LRRN2: variants seen among roughly 807,000 people sequenced by gnomAD.
The protein encoded by LRRN2 is leucine rich repeat neuronal 2, also known as leucine-rich repeat neuronal protein 2.
In LRRN2, 10 loss-of-function variants were observed where a neutral mutation model predicts 35.7. The ratio of observed to expected loss-of-function variants is 0.28; its 90% confidence interval spans 0.17 to 0.47. The LOEUF is 0.47. Ranked by LOEUF, LRRN2 falls within the 20% of genes least tolerant of loss-of-function variation. The pLI is 0.99. For missense variants in LRRN2, 731 were observed against 940.3 expected, an observed-to-expected ratio of 0.78 and a Z score of 2.91; for synonymous variants, 391 against 409.6, an observed-to-expected ratio of 0.95 and a Z score of 0.55.
At chr1:204,661,189 G>A (rs1372080602) in intron 1 of LRRN2, among the ~76,000 whole-genome samples, 11 of 152,298 alleles carry the variant, frequency 7.2e-5, no homozygotes, top group South Asian at 4.1e-4. Context: ...GGGCAGAAGT[G>A]ATACAATGTG....
chr1:204,650,961 A>G (rs1668210036), intron 1 of LRRN2, among the ~76,000 whole-genome samples: 2 of 152,240 alleles, frequency 1.3e-5, no homozygotes, highest in Admixed American at 1.3e-4. Context: ...CTTCCAGGGC[A>G]GAAGGAATCC....
Position 204,643,884 on chromosome 1 carries a change from C to T in LRRN2, c.-226-23666G>A, listed in dbSNP as rs79471982. Among the ~76,000 whole-genome samples, 864 of 152,280 alleles carry T rather than the reference C, an allele frequency of 5.7e-3. 7 individuals carry two copies. Among genetic ancestry groups the T allele is most frequent in the African/African-American group, 0.019 (807 of 41,548 alleles). ...GAAAGACCTGAGTTCAAATCCTGCC[C>T]TGGCCTCTTCCCACCAGTGTGACCT... On this transcript the variant is annotated intron_variant, in intron 1 of 1. Transcript: ENST00000367177.
At chr1:204,668,780 C>T (rs988295802) in intron 1 of LRRN2, among the ~76,000 whole-genome samples, 2 of 152,134 alleles carry the variant, frequency 1.3e-5, no homozygotes, top group Middle Eastern at 3.2e-3. Flanking sequence ...AGAAAAAAAT[C>T]GAACACGATA....
At chr1:204,650,731 T>C (rs573196591) in intron 1 of LRRN2, among the ~76,000 whole-genome samples, 14 of 152,278 alleles carry the variant, frequency 9.2e-5, no homozygotes, top group Admixed American at 9.2e-4. Flanking sequence ...AACAACCCAC[T>C]GTGTGCCAAG....
chr1:204,667,575 G>A (rs577497973), intron 1 of LRRN2, among the ~76,000 whole-genome samples: 1 of 152,264 alleles, frequency 6.6e-6, no homozygotes, highest in East Asian at 1.9e-4. Flanking sequence ...CTCTGTTTTT[G>A]AGGAGTTGCT....
At chr1:204,675,587 CCTT>C (rs1668809892) in intron 1 of LRRN2, among the ~76,000 whole-genome samples, 2 of 152,218 alleles carry the variant, frequency 1.3e-5, no homozygotes, top group African/African-American at 2.4e-5. Context: ...ACTTCTGCCT[CCTT>C]CTTCCACCTT....
chr1:204,672,926 C>T (rs965023938), intron 1 of LRRN2, among the ~76,000 whole-genome samples: 11 of 152,218 alleles, frequency 7.2e-5, no homozygotes, highest in African/African-American at 2.7e-4. Context: ...CAGCATATCT[C>T]ACTGCACACC....
intron 1 of LRRN2, among the ~76,000 whole-genome samples, chr1:204,641,520 A>G (rs958205040): frequency 3.9e-5 from 6 of 152,222 alleles, no homozygotes; most frequent in Non-Finnish European, 8.8e-5. Context: ...GGCACCACTT[A>G]TTGAATGTTA....
intron 1 of LRRN2, among the ~76,000 whole-genome samples, chr1:204,673,401 C>T (rs184201469): frequency 6.6e-6 from 1 of 152,120 alleles, no homozygotes; most frequent in African/African-American, 2.4e-5. Flanking sequence ...ATTTTCACAA[C>T]CCTGTGAACT....
At chr1:204,669,237 G>C (rs1414416553) in intron 1 of LRRN2, among the ~76,000 whole-genome samples, 1 of 152,214 alleles carries the variant, frequency 6.6e-6, no homozygotes, top group African/African-American at 2.4e-5. Context: ...TCTTTGGTTG[G>C]GGAAAGACAG....
chr1:204,677,402 T>C (rs1025453883), intron 1 of LRRN2, among the ~76,000 whole-genome samples: 14 of 152,106 alleles, frequency 9.2e-5, no homozygotes, highest in Non-Finnish European at 1.6e-4. Flanking sequence ...TGGTGATCTC[T>C]CTCTATACTT....
intron 1 of LRRN2, among the ~76,000 whole-genome samples, chr1:204,639,735 T>C (rs1337741318): frequency 6.6e-6 from 1 of 152,216 alleles, no homozygotes; most frequent in Non-Finnish European, 1.5e-5. Flanking sequence ...AAGGGCTTAC[T>C]CTCTGCCAGG....
chr1:204,674,298 C>A lies in LRRN2; in HGVS notation c.-227+11022G>T, dbSNP rs542086449. Among the ~76,000 whole-genome samples, 6 of 151,504 alleles carry A rather than the reference C, an allele frequency of 4.0e-5. No individual in the cohort carries two copies. In the South Asian group the frequency reaches 1.3e-3, roughly 32 times the overall value. ...ACCACCAACTGCCAAGTCCCCCTCA[C>A]TGCCTCCCCTCCCCTCCCCTCCTCA... On this transcript the variant is annotated intron_variant, in intron 1 of 1. Transcript: ENST00000367177.
chr1:204,618,496 G>A lies in LRRN2; in HGVS notation c.1497C>T (p.Ala499=), dbSNP rs777066673. 6.2e-7 allele frequency: 1 copy of A among 1,614,210 alleles called. No individual in the cohort carries two copies. The highest frequency in any genetic ancestry group is 8.5e-7 in the Non-Finnish European group (1 of 1,180,030). Residue 499 remains alanine, a synonymous_variant, in exon 2 of 2, where the codon GCC becomes GCT. Coordinates refer to ENST00000367177, the MANE Select transcript of LRRN2 (RefSeq NM_201630.2). ...AEEAGLYTCV[A]QNLVGADTKT... is the part of the protein sequence containing the mutation. ...TAGTGTCAGCCCCCACCAGGTTCTG[G>A]GCCACACAGGTGTATAGCCCTGCCT...
intron 1 of LRRN2, among the ~76,000 whole-genome samples, chr1:204,632,061 A>AAAAC (rs564415281): frequency 1.8e-3 from 277 of 152,206 alleles, no homozygotes; most frequent in Non-Finnish European, 2.9e-3. Flanking sequence ...TCTCTACCAA[A>AAAAC]AAACAAACAA....
chr1:204,619,967 A>G lies in LRRN2; in HGVS notation c.26T>C (p.Leu9Ser). 1 of 1,612,038 alleles carries G rather than the reference A, an allele frequency of 6.2e-7. No homozygotes were observed. The highest frequency in any genetic ancestry group is 8.5e-7 in the Non-Finnish European group (1 of 1,179,452). MRLLVAPL[L>S]LAWVAGATAA... ...AGTGGCACCAGCCACCCAAGCTAGC[A>G]AGAGTGGGGCCACGAGAAGCCTCAT... Residue 9 changes from leucine (L) to serine (S), a missense_variant, in exon 2 of 2, where the codon TTG becomes TCG. Transcript: ENST00000367177.
chr1:204,618,584 G>A lies in LRRN2; in HGVS notation c.1409C>T (p.Ala470Val). Residue 470 changes from alanine to valine, a missense_variant, in exon 2 of 2, where the codon GCA becomes GTA. Ala to Val is a moderately conservative substitution (Grantham distance 64). Coordinates refer to ENST00000367177, the MANE Select transcript of LRRN2 (RefSeq NM_201630.2). ...GGGGTACACCCGGTACCTCCTGCCT[G>A]CATGGGCAGGTGTCAGTCGAAGCCC... ...PAGLRLTPAH[A>V]GRRYRVYPEG... 2 of 1,613,996 alleles carry A rather than the reference G, an allele frequency of 1.2e-6. No individual in the cohort carries two copies. Among genetic ancestry groups the A allele is most frequent in the Non-Finnish European group, 1.7e-6 (2 of 1,180,006 alleles).
intron 1 of LRRN2, among the ~76,000 whole-genome samples, chr1:204,669,659 G>A (rs1375369188): frequency 6.6e-6 from 1 of 152,220 alleles, no homozygotes; most frequent in African/African-American, 2.4e-5. Flanking sequence ...TATTTAGGGA[G>A]GAGAAGGAAG....
chr1:204,647,420 G>A (rs1002185367), intron 1 of LRRN2, among the ~76,000 whole-genome samples: 10 of 152,158 alleles, frequency 6.6e-5, no homozygotes, highest in African/African-American at 2.4e-4. Context: ...TTTTGATAGA[G>A]GTGCCATTCA....
Sources: allele counts gnomAD v4.1 joint callset (sites outside exome capture counted in the v4.1 genomes callset), GRCh38; gene constraint gnomAD v4.1.1; transcripts MANE v1.5; gene names NCBI Gene and HGNC (gene_info 2026-07-23, HGNC 2026-07-21).